The following HES6 variants were observed in gnomAD, a reference collection of about 807,000 sequenced individuals.
HES6 encodes hes family bHLH transcription factor 6.
Under a neutral mutation model 16.4 loss-of-function variants are expected in HES6, and 24 were observed. The ratio of observed to expected loss-of-function variants is 1.46; its 90% CI spans 1.06 to 2.06. HES6 has a LOEUF of 2.06. Ranked by LOEUF, HES6 falls within the 30% of genes most tolerant of loss-of-function variation. The pLI, the probability that HES6 is intolerant of heterozygous loss-of-function variation, is 0.00. For synonymous variants in HES6, 159 were observed against 144.3 expected, an observed-to-expected ratio of 1.10 and a Z score of -0.73; for missense variants, 355 against 317.6, an observed-to-expected ratio of 1.12 and a Z score of -0.90.
Position 238,239,189 on chromosome 2 carries a change from G to A in HES6, c.313C>T (p.His105Tyr). 6.2e-7 allele frequency: 1 copy of A among 1,612,238 alleles called. No individual in the cohort carries two copies. Among genetic ancestry groups the A allele is most frequent in the South Asian group, 1.1e-5 (1 of 91,088 alleles). ...GTGGACACGAACGTGTGCACCTCGT[G>A]CATGCACTGGATGTAGCCGGCAGCG... ...RFAAGYIQCM[H>Y]EVHTFVSTCQ... Residue 105 changes from histidine to tyrosine, a missense_variant, in exon 4 of 4, where the codon CAC becomes TAC. By Grantham distance (83) the His-to-Tyr change is moderately conservative. Coordinates refer to ENST00000272937, the MANE Select transcript of HES6 (RefSeq NM_018645.6).
rs1378952663 is a variant in HES6, at chr2:238,239,477, C to G, written c.250+10G>C. On this transcript the variant is annotated intron_variant, in intron 3 of 3. Coordinates refer to ENST00000272937, the MANE Select transcript of HES6 (RefSeq NM_018645.6). ...CGGCCGGCGCCCCCGCCCGCCCCGCCGCCACTCACCGCGCGCCCGGCCCCG... is the reference window on the plus strand; with the variant it reads ...CGGCCGGCGCCCCCGCCCGCCCCGCGGCCACTCACCGCGCGCCCGGCCCCG... 8 of 1,281,714 alleles carry G rather than the reference C, an allele frequency of 6.2e-6. No individual in the cohort carries two copies. Among genetic ancestry groups the G allele is most frequent in the Non-Finnish European group, 6.8e-6 (7 of 1,022,088 alleles). The allele number at this position is 1,281,714 out of a possible 1,614,324, so 79.4% of individuals were successfully genotyped here. A position where few individuals can be genotyped will look rare whatever the true frequency, so the allele number is the denominator to read the frequency against.
rs746875983 is a variant in HES6 at position 238,239,009 on chromosome 2, C to A, written c.493G>T (p.Gly165Cys). The A allele has an allele frequency of 6.2e-7, 1 of 1,607,798 alleles. No homozygotes were observed. The highest frequency in any genetic ancestry group is 2.2e-5 in the East Asian group (1 of 44,658). The change falls in exon 4 of 4, where the codon GGC (glycine) becomes TGC (cysteine). Residue 165 changes from glycine to cysteine, a missense_variant. By Grantham distance (159) the Gly-to-Cys change is radical. Transcript: ENST00000272937. ...CTGGGTATTGGGGATCCCGGAGCGC[C>A]CCCCGCAGGCCAGCCACTCCGTCCA... is the stretch of plus-strand genomic sequence containing the variant. ...APGRSGWPAGGAPGSPIPSPP... is the reference protein window; with the variant it reads ...APGRSGWPAGCAPGSPIPSPP...
Position 238,238,633 on chromosome 2 carries a change from A to T in HES6, c.*194T>A. ...ACTCCAGAGCTGCAGGGTCCCTAAA[A>T]GTTTCTTAAGAAACGGGGCTGGGGC... On this transcript the variant is annotated 3_prime_UTR_variant, in exon 4 of 4. Transcript: ENST00000272937. The T allele has an allele frequency of 1.7e-6, 1 of 605,800 alleles. No homozygotes were observed. The highest frequency in any genetic ancestry group is 2.8e-6 in the Non-Finnish European group (1 of 351,870). 37.5% of individuals were successfully genotyped at this position (605,800 alleles called of 1,614,324 possible).
chr2:238,238,428 G>T lies in HES6; in HGVS notation c.*399C>A. Reference sequence around the variant, plus strand: ...CTGCCTCTCATCTCCCCGCTGAAGTGGCAAGTTCAAGCTTTTGTTTAGCCC... The same window carrying T: ...CTGCCTCTCATCTCCCCGCTGAAGTTGCAAGTTCAAGCTTTTGTTTAGCCC... On this transcript the variant is annotated 3_prime_UTR_variant, in exon 4 of 4. Transcript: ENST00000272937. 3.8e-6 allele frequency: 1 copy of T among 265,656 alleles called. No homozygotes were observed. The highest frequency in any genetic ancestry group is 7.3e-6 in the Non-Finnish European group (1 of 137,732). 16.5% of individuals were successfully genotyped at this position (265,656 alleles called of 1,614,324 possible).
Position 238,238,975 on chromosome 2 carries a change from C to T in HES6, c.527G>A (p.Gly176Asp), listed in dbSNP as rs1250987027. ...GTCGGAGCACAGGTCGTCCCCAGGA[C>T]CCGGGGGGCTGGGTATTGGGGATCC... The part of the protein sequence containing the change: ...APGSPIPSPP[G>D]PGDDLCSDLE... The change falls in exon 4 of 4, where the codon GGT becomes GAT. Residue 176 changes from glycine to aspartate, a missense_variant. By Grantham distance (94) the Gly-to-Asp change is moderately conservative (BLOSUM62 -1). Coordinates refer to ENST00000272937, the MANE Select transcript of HES6 (RefSeq NM_018645.6). 2 of 1,604,182 alleles carry T rather than the reference C, an allele frequency of 1.2e-6. No individual in the cohort carries two copies. Among genetic ancestry groups the T allele is most frequent in the Non-Finnish European group, 1.7e-6 (2 of 1,177,142 alleles).
chr2:238,239,373 C>T, intron 3 of HES6, 114 bp downstream of exon 3: 1 of 1,305,424 alleles, frequency 7.7e-7, no homozygotes, highest in Non-Finnish European at 1.0e-6. Context: ...GCACCCTGCT[C>T]CGGTGGGAGC....
At chr2:238,239,377 T>A (rs1672185607) in intron 3 of HES6, 110 bp downstream of exon 3, 3 of 1,293,462 alleles carry the variant, frequency 2.3e-6, no homozygotes, top group Admixed American at 3.5e-5. Flanking sequence ...CCTGCTCCGG[T>A]GGGAGCCCTC....
intron 3 of HES6, 77 bp downstream of exon 3, chr2:238,239,410 C>T: frequency 7.8e-7 from 1 of 1,283,592 alleles, no homozygotes; most frequent in South Asian, 1.7e-5. Context: ...ACAGGGGCGC[C>T]GGGAGGGAAG....
chr2:238,239,405 G>A, intron 3 of HES6, 82 bp downstream of exon 3: 7 of 1,283,858 alleles, frequency 5.5e-6, no homozygotes, highest in Non-Finnish European at 7.1e-6. Flanking sequence ...ACAGGACAGG[G>A]GCGCCGGGAG....
In HES6 at chr2:238,238,468, C is replaced by T; in HGVS notation, c.*359G>A. 1 of 326,826 alleles carries T rather than the reference C, an allele frequency of 3.1e-6. No individual in the cohort carries two copies. The highest frequency in any genetic ancestry group is 5.7e-6 in the Non-Finnish European group (1 of 175,048). 20.2% of individuals were successfully genotyped at this position (326,826 alleles called of 1,614,324 possible). ...TTGTTTAGCCCAGGGCTGCCTGGAA[C>T]ACTAGTGCCCAGCACCATTTCTGCC... On this transcript the variant is annotated 3_prime_UTR_variant, in exon 4 of 4. Transcript: ENST00000272937.
chr2:238,239,022 GC>G lies in HES6; in HGVS notation c.479del (p.Gly160AlafsTer34). Reference protein sequence around the residue: ...AGPPRAPGRSGWPAGGAPGSP... With the variant: ...AGPPRAPGRSXWPAGGAPGSP... ...ATCCCGGAGCGCCCCCCGCAGGCCA[GC>G]CACTCCGTCCAGGGGCTCTAGGTGG... On this transcript the variant is annotated frameshift_variant, in exon 4 of 4. Transcript: ENST00000272937. LOFTEE classifies it low-confidence loss of function (END_TRUNC). The G allele has an allele frequency of 6.2e-7, 1 of 1,609,990 alleles. No individual in the cohort carries two copies. Among genetic ancestry groups the G allele is most frequent in the South Asian group, 1.1e-5 (1 of 90,908 alleles).
At position 238,239,988 on chromosome 2, in the gene HES6, T is replaced by A; in HGVS notation, c.-83A>T. 1.1e-6 allele frequency: 1 copy of A among 881,474 alleles called. No homozygotes were observed. Among genetic ancestry groups the A allele is most frequent in the Non-Finnish European group, 1.5e-6 (1 of 689,256 alleles). The allele number at this position is 881,474 out of a possible 1,614,324, so 54.6% of individuals were successfully genotyped here. ...GGACCGGAGTGCCGGCGCCCTCCGCTGCCCCGCGGCCGCCCAGCAGCAGCC... is the reference window on the plus strand; with the variant it reads ...GGACCGGAGTGCCGGCGCCCTCCGCAGCCCCGCGGCCGCCCAGCAGCAGCC... On this transcript the variant is annotated 5_prime_UTR_variant, in exon 1 of 4. Coordinates refer to ENST00000272937, the MANE Select transcript of HES6 (RefSeq NM_018645.6).
rs10469608 is a variant in HES6, at chr2:238,238,780, T to C, written c.*47A>G. On this transcript the variant is annotated 3_prime_UTR_variant, in exon 4 of 4. Transcript: ENST00000272937. ...TGAACCCCTGGGAGGAGGGAGGAGA[T>C]CCAGGGAGGGCCGGGCCCACCCCCG... is the stretch of plus-strand genomic sequence containing the variant. 0.012 allele frequency: 17,676 copies of C among 1,509,264 alleles called. 1,697 individuals carry two copies. The African/African-American group carries it at 0.21, about 18-fold the overall frequency. The allele number at this position is 1,509,264 out of a possible 1,614,324, so 93.5% of individuals were successfully genotyped here. A position where few individuals can be genotyped will look rare whatever the true frequency, so the allele number is the denominator to read the frequency against.
rs1357569041 is a variant in HES6, at chr2:238,239,947, G to A, written c.-42C>T. The A allele has an allele frequency of 5.1e-6, 6 of 1,167,276 alleles. No individual in the cohort carries two copies. The highest frequency in any genetic ancestry group is 5.3e-6 in the Non-Finnish European group (5 of 940,420). The allele number at this position is 1,167,276 out of a possible 1,614,324, so 72.3% of individuals were successfully genotyped here. ...ACGCGGCAGGGGCTAGGAGCAGCGG[G>A]GACGGGGAGCGGCGGGGACCGGAGT... is the stretch of plus-strand genomic sequence containing the variant. On this transcript the variant is annotated 5_prime_UTR_variant, in exon 1 of 4. Coordinates refer to ENST00000272937, the MANE Select transcript of HES6 (RefSeq NM_018645.6).
At chr2:238,239,788 T>C in intron 1 of HES6, 37 bp downstream of exon 1, 2 of 1,398,660 alleles carry the variant, frequency 1.4e-6, no homozygotes, top group Non-Finnish European at 9.4e-7. Flanking sequence ...CCGCACGGCC[T>C]CCCGCCCGCT....
In HES6 at chr2:238,238,949, G is replaced by A. The variant is rs1228055566; in HGVS notation, c.553C>T (p.Leu185=). The stretch of plus-strand genomic sequence containing the variant: ...AGTTCAGCCTCAGGGGCCTCCTCCA[G>A]GTCGGAGCACAGGTCGTCCCCAGGA... ...PGPGDDLCSD[L]EEAPEAELSQ... Residue 185 remains leucine (L), a synonymous_variant, in exon 4 of 4, where the codon CTG becomes TTG. Coordinates refer to ENST00000272937, the MANE Select transcript of HES6 (RefSeq NM_018645.6). The A allele has an allele frequency of 1.2e-6, 2 of 1,600,814 alleles. No individual in the cohort carries two copies. Among genetic ancestry groups the A allele is most frequent in the African/African-American group, 1.3e-5 (1 of 74,804 alleles).
Position 238,239,542 on chromosome 2 carries a change from T to A in HES6, c.195A>T (p.Glu65Asp). 1 of 1,312,834 alleles carries A rather than the reference T, an allele frequency of 7.6e-7. No individual in the cohort carries two copies. Among genetic ancestry groups the A allele is most frequent in the Non-Finnish European group, 9.7e-7 (1 of 1,028,166 alleles). 81.3% of individuals were successfully genotyped at this position (1,312,834 alleles called of 1,614,324 possible). A position where few individuals can be genotyped will look rare whatever the true frequency, so the allele number is the denominator to read the frequency against. ...CCCGCCGCACCGTCAGCTCCAGCACTTCGGCGTTCTCCAGCTTGGCCTGCA... is the reference window on the plus strand; with the variant it reads ...CCCGCCGCACCGTCAGCTCCAGCACATCGGCGTTCTCCAGCTTGGCCTGCA... ...AEVQAKLENA[E>D]VLELTVRRVQ... is the part of the protein sequence containing the mutation. Residue 65 changes from glutamate to aspartate, a missense_variant, in exon 3 of 4, where the codon GAA becomes GAT. Glu to Asp is a conservative substitution (Grantham distance 45, BLOSUM62 2). Transcript: ENST00000272937.
chr2:238,239,497 GC>G lies in HES6; in HGVS notation c.239del (p.Gly80AlafsTer47). The G allele has an allele frequency of 4.6e-6, 6 of 1,299,252 alleles. No homozygotes were observed. The highest frequency in any genetic ancestry group is 5.8e-6 in the Non-Finnish European group (6 of 1,028,218). The allele number at this position is 1,299,252 out of a possible 1,614,324, so 80.5% of individuals were successfully genotyped here. On this transcript the variant is annotated frameshift_variant, in exon 3 of 4. Transcript: ENST00000272937. LOFTEE classifies it high-confidence loss of function. Reference sequence around the variant, plus strand: ...CCCGCCGCCACTCACCGCGCGCCCGGCCCCGCAGCACACCCTGGACCCGCCG... The same window carrying G: ...CCCGCCGCCACTCACCGCGCGCCCGGCCCGCAGCACACCCTGGACCCGCCG... ...TVRRVQGVLRGRAREREQLQA... is the reference protein window; with the variant it reads ...TVRRVQGVLRXRAREREQLQA...
chr2:238,239,466 G>A, intron 3 of HES6, 21 bp downstream of exon 3: 2 of 1,089,304 alleles, frequency 1.8e-6, no homozygotes, highest in Non-Finnish European at 2.4e-6. Flanking sequence ...CGGCGCCCCC[G>A]CCCGCCCCGC....
Sources: gnomAD v4.1 joint callset for allele counts on GRCh38, gnomAD v4.1.1 for gene constraint, MANE v1.5 for transcripts, NCBI Gene and HGNC (gene_info 2026-07-23, HGNC 2026-07-21) for gene names.